ANKRD28: variants seen among roughly 807,000 people sequenced by gnomAD.
The protein encoded by ANKRD28 is serine/threonine-protein phosphatase 6 regulatory ankyrin repeat subunit A.
In ANKRD28, 44 loss-of-function variants were observed where a neutral mutation model predicts 126.5. That is an observed-to-expected ratio of 0.35 (90% CI 0.27 to 0.45). The LOEUF is 0.45. Among genes scored for constraint, ANKRD28 ranks in the 20% least tolerant of loss-of-function variants. The pLI, the probability that ANKRD28 is intolerant of heterozygous loss-of-function variation, is 1.00. For synonymous variants in ANKRD28, 442 were observed against 468.5 expected (o/e 0.94, Z 0.73); for missense variants, 1,110 against 1,316.6 (o/e 0.84, Z 2.43).
chr3:15,848,207 A>C (rs1442209351), intron 1 of ANKRD28, among the ~76,000 whole-genome samples: 1 of 152,232 alleles, frequency 6.6e-6, no homozygotes, highest in Non-Finnish European at 1.5e-5. Flanking sequence ...TCAAAACCAG[A>C]ACCACAAATT....
chr3:15,803,600 A>G (rs1258774736), intron 1 of ANKRD28, among the ~76,000 whole-genome samples: 1 of 148,298 alleles, frequency 6.7e-6, no homozygotes, highest in Non-Finnish European at 1.5e-5. Flanking sequence ...CTGGCGACAG[A>G]GCGAGACTCC....
intron 8 of ANKRD28, among the ~76,000 whole-genome samples, chr3:15,717,280 G>A (rs2073180575): frequency 6.6e-6 from 1 of 152,074 alleles, no homozygotes. Flanking sequence ...GGCCTGGTTA[G>A]AATCCTTTAT....
intron 27 of ANKRD28, among the ~76,000 whole-genome samples, chr3:15,672,445 A>G (rs183887322): frequency 2.6e-5 from 4 of 152,224 alleles, no homozygotes; most frequent in Admixed American, 2.6e-4. Context: ...CCCAGCCACA[A>G]AAAGTAATTT....
chr3:15,721,934 G>T (rs1266000518), intron 7 of ANKRD28, among the ~76,000 whole-genome samples: 1 of 152,054 alleles, frequency 6.6e-6, no homozygotes, highest in African/African-American at 2.4e-5. Context: ...TAGTAGAGAC[G>T]GGGTGTCACC....
rs1051001645 is a variant in ANKRD28, at chr3:15,838,769, G to T, written c.27+20608C>A. ...GTCTCAAAAAAAAAAAAAAATCTTC[G>T]CAAGAGAAGTTAAAACGTGTCCATA... On this transcript the variant is annotated intron_variant, in intron 1 of 27. Coordinates refer to the ANKRD28 transcript ENST00000399451. The surrounding 1 kb of genome is among the most constrained non-coding windows in gnomAD (Gnocchi z 4.0). Among the ~76,000 whole-genome samples, 3 of 151,574 alleles carry T rather than the reference G, an allele frequency of 2.0e-5. No individual in the cohort carries two copies. In the East Asian group the frequency reaches 5.8e-4, roughly 29 times the overall value.
At chr3:15,765,265 C>T (rs1008631794) in intron 3 of ANKRD28, among the ~76,000 whole-genome samples, 1 of 151,986 alleles carries the variant, frequency 6.6e-6, no homozygotes, top group Non-Finnish European at 1.5e-5. Flanking sequence ...ATAGACAGTT[C>T]TAGTATTACT....
chr3:15,725,961 T>C (rs2074127489), intron 6 of ANKRD28, among the ~76,000 whole-genome samples: 1 of 152,148 alleles, frequency 6.6e-6, no homozygotes, highest in Non-Finnish European at 1.5e-5. Flanking sequence ...GAAAATCACT[T>C]GATCCCTGGA....
intron 11 of ANKRD28, among the ~76,000 whole-genome samples, chr3:15,711,634 G>A (rs2126065294): frequency 6.6e-6 from 1 of 152,170 alleles, no homozygotes; most frequent in Non-Finnish European, 1.5e-5. Flanking sequence ...AGGGAAGAAA[G>A]AAATGGAGAT....
chr3:15,713,496 A>G, intron 10 of ANKRD28, 31 bp downstream of exon 10: 1 of 1,545,064 alleles, frequency 6.5e-7, no homozygotes, highest in Non-Finnish European at 8.9e-7. Context: ...GCTTGCCTGT[A>G]TCAGTTATCA....
chr3:15,711,074 C>T lies in ANKRD28; in HGVS notation c.1337+137G>A, dbSNP rs535574189. Reference sequence around the variant, plus strand: ...AAAAAAAGTATTCTGCCACCCTGGACTTTTTTTTCCCAAACAACTCCTGTT... The same window carrying T: ...AAAAAAAGTATTCTGCCACCCTGGATTTTTTTTTCCCAAACAACTCCTGTT... On this transcript the variant is annotated intron_variant, in intron 12 of 27. Transcript: ENST00000683139. The T allele has an allele frequency of 3.2e-5, 22 of 690,962 alleles. No homozygotes were observed. The South Asian group carries it at 4.7e-4, about 15-fold the overall frequency. 42.8% of individuals were successfully genotyped at this position (690,962 alleles called of 1,614,324 possible). A position where few individuals can be genotyped will look rare whatever the true frequency, so the allele number is the denominator to read the frequency against.
At chr3:15,677,621 T>C in intron 24 of ANKRD28, 59 bp from the exon 25 acceptor site, 1 of 1,292,844 alleles carries the variant, frequency 7.7e-7, no homozygotes, top group South Asian at 1.3e-5. Context: ...AGATTACCAA[T>C]AACTCACTGT....
At chr3:15,848,541 G>C (rs369510898) in intron 1 of ANKRD28, among the ~76,000 whole-genome samples, 1 of 152,062 alleles carries the variant, frequency 6.6e-6, no homozygotes, top group African/African-American at 2.4e-5. Context: ...CAGGCATAGT[G>C]GTGCATGCCT....
intron 17 of ANKRD28, among the ~76,000 whole-genome samples, chr3:15,692,155 A>T (rs1053851641): frequency 7.3e-5 from 11 of 151,340 alleles, no homozygotes; most frequent in African/African-American, 2.4e-4. Context: ...AAAAAAAAAA[A>T]AAAAAAAAAA....
chr3:15,827,077 C>T (rs903177482), intron 1 of ANKRD28, among the ~76,000 whole-genome samples: 1 of 152,112 alleles, frequency 6.6e-6, no homozygotes, highest in Non-Finnish European at 1.5e-5. Context: ...TCATCTCACA[C>T]CTGTTAGAAC....
chr3:15,726,552 A>G (rs565973690), intron 6 of ANKRD28, among the ~76,000 whole-genome samples: 49 of 152,360 alleles, frequency 3.2e-4, no homozygotes, highest in African/African-American at 1.1e-3. Context: ...GGAAAAGTTT[A>G]ATCCAGCAAA....
intron 14 of ANKRD28, among the ~76,000 whole-genome samples, chr3:15,702,510 T>C (rs776464936): frequency 1.2e-4 from 18 of 152,208 alleles, no homozygotes; most frequent in Non-Finnish European, 5.9e-5. Flanking sequence ...GGCTAAACAA[T>C]ATTCTGTTAC....
At chr3:15,770,715 A>G (rs753350702) in intron 2 of ANKRD28, among the ~76,000 whole-genome samples, 4 of 152,200 alleles carry the variant, frequency 2.6e-5, no homozygotes, top group Non-Finnish European at 5.9e-5. Flanking sequence ...TTAGAACTTC[A>G]GCAGCCCAAG....
rs145493374 is a variant in ANKRD28 at position 15,858,705 on chromosome 3, C to G, written c.27+672G>C. On this transcript the variant is annotated intron_variant, in intron 1 of 27. Transcript: ENST00000399451. ...TCCGGATCCTTCAAAAGCCTTATTA[C>G]CCATCTTTCCAAATGTTTAGGTGTA... 4.1e-3 allele frequency among the ~76,000 whole-genome samples: 630 copies of G among 152,280 alleles called. 5 individuals are homozygous for G. Among genetic ancestry groups the G allele is most frequent in the East Asian group, 0.019 (101 of 5,186 alleles).
intron 18 of ANKRD28, among the ~76,000 whole-genome samples, chr3:15,688,274 T>C (rs372647604): frequency 2.2e-4 from 33 of 152,316 alleles, no homozygotes; most frequent in East Asian, 2.1e-3. Flanking sequence ...ACAGATCCCA[T>C]CCAGTGTACA....
Sources: gnomAD v4.1 joint callset for allele counts (sites outside exome capture counted in the v4.1 genomes callset) on GRCh38, gnomAD v4.1.1 for gene constraint, Gnocchi (gnomAD v3.1) non-coding constraint, MANE v1.5 for transcripts, NCBI Gene and HGNC (gene_info 2026-07-23, HGNC 2026-07-21) for gene names.